The following ABLIM3 variants were observed in gnomAD, a reference collection of about 807,000 sequenced individuals.
ABLIM3 encodes the protein actin binding LIM protein family member 3, also known as actin-binding LIM protein 3.
ABLIM3 carries 61 observed loss-of-function variants against 109.5 expected under a neutral mutation model. The ratio of observed to expected loss-of-function variants is 0.56; its 90% CI spans 0.45 to 0.69. The LOEUF is 0.69. ABLIM3 is among the 30% of genes least tolerant of loss of function. The pLI is 0.00. For synonymous variants in ABLIM3, 300 were observed against 324.8 expected (o/e 0.92, Z 0.82); for missense variants, 796 against 889.5 (o/e 0.89, Z 1.34).
At chr5:149,188,237 T>G (rs1214089609) in intron 3 of ABLIM3, among the ~76,000 whole-genome samples, 10 of 152,174 alleles carry the variant, frequency 6.6e-5, no homozygotes, top group Non-Finnish European at 1.5e-4. Flanking sequence ...AATCTCTATT[T>G]GCACATGACA....
chr5:149,231,805 C>A (rs1159613736), intron 9 of ABLIM3, among the ~76,000 whole-genome samples: 1 of 152,152 alleles, frequency 6.6e-6, no homozygotes, highest in East Asian at 1.9e-4. Flanking sequence ...TCATTATATG[C>A]TTAATCTTTT....
At chr5:149,205,132 T>C (rs941505319) in intron 5 of ABLIM3, among the ~76,000 whole-genome samples, 1 of 152,178 alleles carries the variant, frequency 6.6e-6, no homozygotes, top group Non-Finnish European at 1.5e-5. Context: ...CTTTAATTCT[T>C]TAAAAGAACT....
At chr5:149,223,935 A>C (rs1455844850) in intron 8 of ABLIM3, among the ~76,000 whole-genome samples, 4 of 152,210 alleles carry the variant, frequency 2.6e-5, no homozygotes, top group African/African-American at 9.6e-5. Context: ...AGGGACTAGC[A>C]TTGCTGGTTC....
intron 10 of ABLIM3, 107 bp downstream of exon 10, chr5:149,233,407 T>C: frequency 8.8e-7 from 1 of 1,137,710 alleles, no homozygotes; most frequent in Non-Finnish European, 1.3e-6. Flanking sequence ...AGCTGACATT[T>C]GATGCATGCT....
At chr5:149,251,703 C>T (rs147212345) in intron 21 of ABLIM3, among the ~76,000 whole-genome samples, 14 of 152,260 alleles carry the variant, frequency 9.2e-5, no homozygotes, top group South Asian at 6.2e-4. Flanking sequence ...GACTGTGGAC[C>T]GAGGGTTGCC....
chr5:149,155,296 A>G (rs938272933), intron 2 of ABLIM3, among the ~76,000 whole-genome samples: 3 of 152,072 alleles, frequency 2.0e-5, no homozygotes, highest in African/African-American at 7.2e-5. Flanking sequence ...TCACTCATTC[A>G]CTCGGGCAGT....
At position 149,259,701 on chromosome 5, in the gene ABLIM3, T is replaced by G. The variant is rs1754744660; in HGVS notation, c.*1297T>G. On this transcript the variant is annotated 3_prime_UTR_variant, in exon 24 of 24. Transcript: ENST00000309868. ...AACCTCTCTTCTCCTCTCCAAACCTTTCACCTTGAATGGGTAATGTTTGGT... is the reference window on the plus strand; with the variant it reads ...AACCTCTCTTCTCCTCTCCAAACCTGTCACCTTGAATGGGTAATGTTTGGT... 9.8e-6 allele frequency: 11 copies of G among 1,123,062 alleles called. 1 individual carries two copies. The Admixed American group carries it at 1.8e-4, about 19-fold the overall frequency. 69.6% of individuals were successfully genotyped at this position (1,123,062 alleles called of 1,614,324 possible). A position where few individuals can be genotyped will look rare whatever the true frequency, so the allele number is the denominator to read the frequency against.
chr5:149,212,202 A>G (rs1437602676), intron 7 of ABLIM3, among the ~76,000 whole-genome samples: 1 of 152,174 alleles, frequency 6.6e-6, no homozygotes, highest in East Asian at 1.9e-4. Flanking sequence ...TGTGTGGAGA[A>G]TTTTCAGAGA....
intron 21 of ABLIM3, 47 bp downstream of exon 21, chr5:149,251,466 G>A (rs777214659): frequency 2.5e-6 from 4 of 1,600,088 alleles, no homozygotes; most frequent in Admixed American, 1.7e-5. Flanking sequence ...GCCTCCAGAT[G>A]TACCACTCAA....
intron 6 of ABLIM3, among the ~76,000 whole-genome samples, chr5:149,208,296 T>C (rs931828136): frequency 1.3e-5 from 2 of 152,162 alleles, no homozygotes; most frequent in Non-Finnish European, 2.9e-5. Flanking sequence ...ATCCAGGGGC[T>C]TAAGGATGTC....
At chr5:149,205,061 T>C (rs1758839266) in intron 5 of ABLIM3, among the ~76,000 whole-genome samples, 1 of 152,222 alleles carries the variant, frequency 6.6e-6, no homozygotes, top group Non-Finnish European at 1.5e-5. Context: ...ATTTGATCAC[T>C]GGATGATCAT....
Position 149,142,009 on chromosome 5 carries a change from GTGA to G in ABLIM3, c.-83_-81del. 1 of 1,601,052 alleles carries G rather than the reference GTGA, an allele frequency of 6.2e-7. No homozygotes were observed. The highest frequency in any genetic ancestry group is 8.6e-7 in the Non-Finnish European group (1 of 1,168,094). On this transcript the variant is annotated splice_region_variant and 5_prime_UTR_variant, in exon 2 of 24. The change abolishes an upstream ATG in the 5' untranslated region. Coordinates refer to ENST00000309868, the MANE Select transcript of ABLIM3 (RefSeq NM_014945.5). ...ACTGGACTGCCTTTTCACCCCCCAG[GTGA>G]TGAGTGAGGTTCGAAGAACGGAAGA...
intron 15 of ABLIM3, chr5:149,243,992 G>A (rs1753107041): frequency 6.6e-6 from 1 of 152,314 alleles, no homozygotes; most frequent in Non-Finnish European, 1.5e-5. Flanking sequence ...GGCTGAAGCT[G>A]ATCCACCACG....
chr5:149,200,913 G>A (rs933125589), intron 5 of ABLIM3, among the ~76,000 whole-genome samples: 2 of 152,144 alleles, frequency 1.3e-5, no homozygotes, highest in African/African-American at 4.8e-5. Context: ...TGTGGGACTT[G>A]TAAAAATGCA....
At chr5:149,172,116 A>T (rs1016021120) in intron 2 of ABLIM3, among the ~76,000 whole-genome samples, 1 of 152,190 alleles carries the variant, frequency 6.6e-6, no homozygotes, top group Non-Finnish European at 1.5e-5. Flanking sequence ...TCATTCTTTG[A>T]CTTGTGATCT....
chr5:149,170,257 T>TCTCTCTCC (rs1755269760), intron 2 of ABLIM3, among the ~76,000 whole-genome samples: 3 of 149,582 alleles, frequency 2.0e-5, no homozygotes, highest in South Asian at 4.2e-4. Context: ...TCTCTCTCTC[T>TCTCTCTCC]CTCTCTCCTT....
intron 2 of ABLIM3, among the ~76,000 whole-genome samples, chr5:149,161,659 G>A (rs531662736): frequency 6.6e-6 from 1 of 152,268 alleles, no homozygotes; most frequent in African/African-American, 2.4e-5. Flanking sequence ...GCTTAGAGAG[G>A]CTGAGCAAGT....
rs751162589 is a variant in ABLIM3, at chr5:149,237,494, T to C, written c.935T>C (p.Leu312Pro). The C allele has an allele frequency of 3.1e-6, 5 of 1,614,162 alleles. No homozygotes were observed. Among genetic ancestry groups the C allele is most frequent in the Non-Finnish European group, 4.2e-6 (5 of 1,180,030 alleles). ...CTTAATTACAAAGACCTGGCGGCTCTCCCCAAGGTTAAGTCTATCTACGAG... is the reference window on the plus strand; with the variant it reads ...CTTAATTACAAAGACCTGGCGGCTCCCCCCAAGGTTAAGTCTATCTACGAG... ...EILNYKDLAA[L>P]PKVKSIYEVQ... is the part of the protein sequence containing the mutation. Residue 312 changes from leucine to proline, a missense_variant, in exon 11 of 24, where the codon CTC becomes CCC. Coordinates refer to ENST00000309868, the MANE Select transcript of ABLIM3 (RefSeq NM_014945.5).
At chr5:149,200,551 G>A (rs1202139038) in intron 5 of ABLIM3, 123 bp downstream of exon 5, 3 of 913,490 alleles carry the variant, frequency 3.3e-6, no homozygotes, top group African/African-American at 3.3e-5. Flanking sequence ...CAACCTGGAG[G>A]CCTCCTGCAT....
Sources: allele counts gnomAD v4.1 joint callset (sites outside exome capture counted in the v4.1 genomes callset), GRCh38; gene constraint gnomAD v4.1.1; transcripts MANE v1.5; gene names NCBI Gene and HGNC (gene_info 2026-07-23, HGNC 2026-07-21).